The following KIAA0825 variants were observed in gnomAD, a reference collection of about 807,000 sequenced individuals.
KIAA0825 encodes uncharacterized protein KIAA0825.
In KIAA0825, 119 loss-of-function variants were observed where a neutral mutation model predicts 147.6. That is an observed-to-expected ratio of 0.81 (90% CI 0.69 to 0.94). The LOEUF is 0.94. KIAA0825 is among the 40% of genes least tolerant of loss of function. The probability of loss-of-function intolerance (pLI) is 0.00; values close to 1 mark genes in which losing one functional copy is unlikely to be tolerated. For missense variants in KIAA0825, 1,381 were observed against 1,472.7 expected (o/e 0.94, Z 1.02); for synonymous variants, 470 against 518.1 (o/e 0.91, Z 1.26).
chr5:94,593,981 T>C, intron 1 of KIAA0825: 1 of 481,580 alleles, frequency 2.1e-6, no homozygotes, highest in Non-Finnish European at 4.2e-6. Context: ...ATCCTTGCTA[T>C]TACTCTTCCA....
intron 5 of KIAA0825, among the ~76,000 whole-genome samples, chr5:94,506,683 A>G (rs1721607097): frequency 6.6e-6 from 1 of 152,208 alleles, no homozygotes; most frequent in South Asian, 2.1e-4. Flanking sequence ...AAAAATATAT[A>G]TTTACAAATG....
chr5:94,447,706 T>A (rs1249511895), intron 13 of KIAA0825, among the ~76,000 whole-genome samples: 1 of 152,234 alleles, frequency 6.6e-6, no homozygotes, highest in African/African-American at 2.4e-5. Flanking sequence ...TAGCATGTAA[T>A]ATGAATATAA....
chr5:94,195,763 G>C (rs1583815585), intron 20 of KIAA0825, among the ~76,000 whole-genome samples: 2 of 151,978 alleles, frequency 1.3e-5, no homozygotes, highest in African/African-American at 2.4e-5. Flanking sequence ...ATTAACATTT[G>C]AAAGAAAAAT....
chr5:94,330,312 T>C (rs1781141701), intron 20 of KIAA0825, among the ~76,000 whole-genome samples: 2 of 152,272 alleles, frequency 1.3e-5, no homozygotes, highest in African/African-American at 4.8e-5. Flanking sequence ...ACATAGACCA[T>C]ATTCTGGGCC....
chr5:94,441,397 A>G (rs1757064798), intron 13 of KIAA0825, among the ~76,000 whole-genome samples: 1 of 152,152 alleles, frequency 6.6e-6, no homozygotes, highest in Non-Finnish European at 1.5e-5. Context: ...TAGGGTTAGG[A>G]CCAATTAGCA....
At chr5:94,454,087 G>A (rs1225481929) in intron 12 of KIAA0825, among the ~76,000 whole-genome samples, 4 of 152,136 alleles carry the variant, frequency 2.6e-5, no homozygotes, top group Non-Finnish European at 5.9e-5. Flanking sequence ...TTCTAGATTG[G>A]CTCAAATTCA....
At chr5:94,580,245 A>G (rs755470362) in intron 2 of KIAA0825, among the ~76,000 whole-genome samples, 1 of 152,212 alleles carries the variant, frequency 6.6e-6, no homozygotes, top group Non-Finnish European at 1.5e-5. Context: ...GAAGAAGATG[A>G]GAGCTAGAAA....
intron 2 of KIAA0825, among the ~76,000 whole-genome samples, chr5:94,546,902 CTA>C (rs1184520681): frequency 6.7e-6 from 1 of 149,872 alleles, no homozygotes; most frequent in African/African-American, 2.5e-5. Context: ...AGAGAAAAAC[CTA>C]TATGTGACAT....
intron 20 of KIAA0825, among the ~76,000 whole-genome samples, chr5:94,196,295 A>G (rs898282940): frequency 2.6e-5 from 4 of 152,166 alleles, no homozygotes; most frequent in Admixed American, 6.5e-5. Context: ...TAACCTTACA[A>G]TGTAATCCTA....
chr5:94,520,473 G>A lies in KIAA0825; in HGVS notation c.745C>T (p.Leu249Phe), dbSNP rs1767957379. 4 of 1,612,548 alleles carry A rather than the reference G, an allele frequency of 2.5e-6. No individual in the cohort carries two copies. The highest frequency in any genetic ancestry group is 1.7e-5 in the Admixed American group (1 of 59,920). Residue 249 changes from leucine (L) to phenylalanine (F), a missense_variant, in exon 5 of 21, where the codon CTT (leucine) becomes TTT (phenylalanine). Transcript: ENST00000682413. ...TCTTTTATTACTGAGTATAACTTAAGCATTGTACTTTGATATCCATGAGCT... is the reference window on the plus strand; with the variant it reads ...TCTTTTATTACTGAGTATAACTTAAACATTGTACTTTGATATCCATGAGCT... ...VIAHGYQSTM[L>F]KLYSVIKEDF...
At chr5:94,571,477 A>G (rs1779956794) in intron 2 of KIAA0825, among the ~76,000 whole-genome samples, 1 of 152,244 alleles carries the variant, frequency 6.6e-6, no homozygotes, top group Non-Finnish European at 1.5e-5. Context: ...CTTTTCACAC[A>G]TGCACAAGAA....
intron 20 of KIAA0825, among the ~76,000 whole-genome samples, chr5:94,374,828 C>T (rs1056268237): frequency 6.6e-6 from 1 of 152,150 alleles, no homozygotes; most frequent in Non-Finnish European, 1.5e-5. Context: ...ACTTCCTCCT[C>T]TTAATCCTTC....
intron 20 of KIAA0825, among the ~76,000 whole-genome samples, chr5:94,227,082 A>G (rs918986516): frequency 6.6e-6 from 1 of 152,196 alleles, no homozygotes; most frequent in Non-Finnish European, 1.5e-5. Context: ...ATGCTGCTAT[A>G]AAGACACATG....
chr5:94,567,496 T>G (rs77890189), intron 2 of KIAA0825: 8 of 152,166 alleles, frequency 5.3e-5, no homozygotes, highest in Non-Finnish European at 8.8e-5. Flanking sequence ...AATATCTACT[T>G]ATTTTCCTAA....
intron 12 of KIAA0825, among the ~76,000 whole-genome samples, chr5:94,453,920 T>C (rs981759631): frequency 2.0e-5 from 3 of 151,918 alleles, no homozygotes; most frequent in Admixed American, 6.6e-5. Flanking sequence ...TATTAAATAA[T>C]TAATTAGAAT....
At chr5:94,196,939 G>A (rs888243075) in intron 20 of KIAA0825, among the ~76,000 whole-genome samples, 4 of 152,196 alleles carry the variant, frequency 2.6e-5, no homozygotes, top group Non-Finnish European at 4.4e-5. Context: ...ACAAGTGCAT[G>A]TGTCTTTTTG....
intron 20 of KIAA0825, among the ~76,000 whole-genome samples, chr5:94,347,523 G>T (rs780531401): frequency 6.6e-6 from 1 of 152,188 alleles, no homozygotes; most frequent in Non-Finnish European, 1.5e-5. Flanking sequence ...GGGAAGACTC[G>T]CTGGGTGGCT....
At chr5:94,166,022 T>C (rs889848848) in intron 20 of KIAA0825, among the ~76,000 whole-genome samples, 4 of 152,322 alleles carry the variant, frequency 2.6e-5, no homozygotes, top group Non-Finnish European at 5.9e-5. Context: ...GGATTGTTTG[T>C]AACTCAAAGG....
intron 16 of KIAA0825, among the ~76,000 whole-genome samples, chr5:94,402,370 T>C (rs1211620169): frequency 6.6e-6 from 1 of 151,940 alleles, no homozygotes; most frequent in African/African-American, 2.4e-5. Flanking sequence ...TCAAAACATA[T>C]CAAATATCCA....
Sources: allele counts gnomAD v4.1 joint callset (sites outside exome capture counted in the v4.1 genomes callset), GRCh38; gene constraint gnomAD v4.1.1; transcripts MANE v1.5; gene names NCBI Gene and HGNC (gene_info 2026-07-23, HGNC 2026-07-21).